Variants in CFAP65 observed in about 807,000 individuals in gnomAD.
CFAP65 encodes cilia and flagella associated protein 65.
A neutral mutation model predicts 208.0 loss-of-function variants in CFAP65; 155 were observed. That is an observed-to-expected ratio of 0.75 (90% CI 0.65 to 0.85). The LOEUF (loss-of-function observed/expected upper bound fraction) is 0.85, where lower values mean the gene tolerates loss of function less well. Among genes scored for constraint, CFAP65 ranks in the 40% least tolerant of loss-of-function variants. The pLI is 0.00. For missense variants in CFAP65, 2,294 were observed against 2,451.3 expected (o/e 0.94, Z 1.36); for synonymous variants, 970 against 986.3 (o/e 0.98, Z 0.31).
Position 219,023,363 on chromosome 2 carries a change from G to C in CFAP65, c.2664C>G (p.Phe888Leu), listed in dbSNP as rs1366012706. Reference protein sequence around the residue: ...LKLDTHKSLYFKPTWVGCSST... With the variant: ...LKLDTHKSLYLKPTWVGCSST... ...AGGAGCAGCCCACCCAGGTGGGCTT[G>C]AAGTAGAGGCTTTTGTGGGTGTCCA... Residue 888 changes from phenylalanine to leucine, a missense_variant, in exon 16 of 35, where the codon TTC becomes TTG. Physicochemically the swap from Phe to Leu is conservative, Grantham distance 22. This residue lies in a region of CFAP65 where 1,427 missense variants were observed against 1,438.7 expected (regional missense o/e 0.99). Transcript: ENST00000341552. The C allele has an allele frequency of 6.2e-7, 1 of 1,607,508 alleles. No homozygotes were observed.
Position 219,030,052 on chromosome 2 carries a change from A to C in CFAP65, c.1318T>G (p.Tyr440Asp). 3.1e-6 allele frequency: 5 copies of C among 1,614,100 alleles called. No individual in the cohort carries two copies. The highest frequency in any genetic ancestry group is 4.2e-6 in the Non-Finnish European group (5 of 1,179,994). Reference sequence around the variant, plus strand: ...CAGCCAGAAGGCATGATGGAGCAGTAGTCCACAGTTCTGGTGTCCAGAGTC... The same window carrying C: ...CAGCCAGAAGGCATGATGGAGCAGTCGTCCACAGTTCTGGTGTCCAGAGTC... ...PKTLDTRTVD[Y>D]CSIMPSGCAS... The change falls in exon 10 of 35, where the codon TAC (tyrosine) becomes GAC (aspartate). Residue 440 changes from tyrosine (Y) to aspartate (D), a missense_variant. Transcript: ENST00000341552.
chr2:219,009,396 A>G lies in CFAP65; in HGVS notation c.4517T>C (p.Leu1506Ser). ...PEETVPFVVT[L>S]RASVHASFYS... ...GAAGCTGGCATGCACAGAGGCCCTC[A>G]AGGTCACCACAAATGGGACCGTCTC... is the stretch of plus-strand genomic sequence containing the variant. Residue 1506 changes from leucine to serine, a missense_variant, in exon 28 of 35, where the codon TTG becomes TCG. By Grantham distance (145) the Leu-to-Ser change is moderately radical. This residue lies in a region of CFAP65 where 1,427 missense variants were observed against 1,438.7 expected (regional missense o/e 0.99). Transcript: ENST00000341552. 6.2e-7 allele frequency: 1 copy of G among 1,612,672 alleles called. No homozygotes were observed.
chr2:219,028,178 T>A lies in CFAP65; in HGVS notation c.1851+23A>T, dbSNP rs758111385. Reference sequence around the variant, plus strand: ...CCCAAGAATCACTAGAGAAGGGATATGCAGCTGGGGAGGGCACTGTACCTG... The same window carrying A: ...CCCAAGAATCACTAGAGAAGGGATAAGCAGCTGGGGAGGGCACTGTACCTG... On this transcript the variant is annotated intron_variant, in intron 12 of 34. Coordinates refer to ENST00000341552, the MANE Select transcript of CFAP65 (RefSeq NM_194302.4). The A allele has an allele frequency of 1.5e-5, 24 of 1,611,196 alleles. No individual in the cohort carries two copies. In the East Asian group the frequency reaches 4.5e-4, roughly 30 times the overall value.
rs1293824079 is a variant in CFAP65, at chr2:219,013,525, C to G, written c.3840G>C (p.Glu1280Asp). 1 of 1,598,330 alleles carries G rather than the reference C, an allele frequency of 6.3e-7. No individual in the cohort carries two copies. The highest frequency in any genetic ancestry group is 1.3e-5 in the African/African-American group (1 of 74,866). ...CAGTGTGCTGGGGCCTCACCAGGAT[C>G]TCCCGGCCATGGGACACCTTGAAGA... ...PVLFKVSHGR[E>D]ILLNFIGVTV... Residue 1280 changes from glutamate (E) to aspartate (D), a missense_variant, in exon 23 of 35, where the codon GAG becomes GAC. This residue lies in a region of CFAP65 where 1,427 missense variants were observed against 1,438.7 expected (regional missense o/e 0.99). Transcript: ENST00000341552.
In CFAP65 at chr2:219,005,506, G is replaced by T; in HGVS notation, c.4979C>A (p.Ser1660Tyr). 6.2e-7 allele frequency: 1 copy of T among 1,613,370 alleles called. No individual in the cohort carries two copies. Among genetic ancestry groups the T allele is most frequent in the Non-Finnish European group, 8.5e-7 (1 of 1,179,974 alleles). The change falls in exon 32 of 35, where the codon TCC becomes TAC. Residue 1660 changes from serine (S) to tyrosine (Y), a missense_variant. This residue lies in a region of CFAP65 where 1,427 missense variants were observed against 1,438.7 expected (regional missense o/e 0.99). Coordinates refer to ENST00000341552, the MANE Select transcript of CFAP65 (RefSeq NM_194302.4). ...GGAAACAGGGCCCCACTTGTTAGGG[G>T]ATTTTTCCTCAGAAGTCTCTGACTC... ...REESETSEEK[S>Y]PNKWGPVSKQ...
chr2:219,003,255 T>C lies in CFAP65; in HGVS notation c.5573A>G (p.Asn1858Ser), dbSNP rs11893183. Residue 1858 changes from asparagine to serine, a missense_variant, in exon 34 of 35, where the codon AAC becomes AGC. This residue lies in a region of CFAP65 where 1,427 missense variants were observed against 1,438.7 expected (regional missense o/e 0.99). Transcript: ENST00000341552. The surrounding 1 kb of genome is among the most constrained non-coding windows in gnomAD (Gnocchi z 4.4). ...EAIRRLPAFA[N>S]LQEALLENMI... ...GTTCTCCAGCAGCGCCTCCTGCAGGTTGGCGAAGGCCGGGAGCCTGCGAGG... is the reference window on the plus strand; with the variant it reads ...GTTCTCCAGCAGCGCCTCCTGCAGGCTGGCGAAGGCCGGGAGCCTGCGAGG... 9.7e-3 allele frequency: 14,986 copies of C among 1,543,546 alleles called. 1,278 individuals are homozygous for C. In the African/African-American group the frequency reaches 0.18, roughly 19 times the overall value.
Position 219,009,089 on chromosome 2 carries a change from C to T in CFAP65, c.4632G>A (p.Val1544=). The T allele has an allele frequency of 6.2e-7, 1 of 1,612,966 alleles. No individual in the cohort carries two copies. The highest frequency in any genetic ancestry group is 1.1e-5 in the South Asian group (1 of 91,090). ...TGATGGTGAACTCCACTTCCTGCCG[C>T]ACCTTCTCGTCCTTCCACTCCTGCA... The part of the protein sequence containing the change: ...KELQEWKDEK[V]RQEVEFTITD... Residue 1544 remains valine (V), a synonymous_variant, in exon 29 of 35, where the codon GTG becomes GTA. Coordinates refer to ENST00000341552, the MANE Select transcript of CFAP65 (RefSeq NM_194302.4).
At chr2:219,013,188 A>G (rs1946601141) in intron 24 of CFAP65, 71 bp downstream of exon 24, 7 of 1,068,086 alleles carry the variant, frequency 6.6e-6, no homozygotes, top group Non-Finnish European at 8.6e-6. Context: ...CACCCTCTCA[A>G]GGGCTGACAC....
intron 27 of CFAP65, 107 bp downstream of exon 27, chr2:219,009,835 G>C: frequency 1.3e-6 from 1 of 798,624 alleles, no homozygotes; most frequent in Non-Finnish European, 1.7e-6. Flanking sequence ...ATGGGATGGG[G>C]TTTGTGGGGT....
In CFAP65 at chr2:219,010,128, G is replaced by A. The variant is rs1946368459; in HGVS notation, c.4309-43C>T. 3 of 1,537,896 alleles carry A rather than the reference G, an allele frequency of 2.0e-6. No homozygotes were observed. The East Asian group carries it at 6.9e-5, about 36-fold the overall frequency. On this transcript the variant is annotated intron_variant, in intron 26 of 34. Transcript: ENST00000341552. ...AGGTAAAGAAATAAGAACCGGCCAGGCATGGTGGCTCACGCCTGTAATCCC... is the reference window on the plus strand; with the variant it reads ...AGGTAAAGAAATAAGAACCGGCCAGACATGGTGGCTCACGCCTGTAATCCC...
chr2:219,014,104 G>A, intron 21 of CFAP65, 60 bp from the exon 22 acceptor site: 1 of 1,435,380 alleles, frequency 7.0e-7, no homozygotes, highest in African/African-American at 1.4e-5. Flanking sequence ...AGAGGCAGGG[G>A]CTCTGAGACC....
At position 219,035,564 on chromosome 2, in the gene CFAP65, C is replaced by T; in HGVS notation, c.458G>A (p.Trp153Ter). The change falls in exon 5 of 35, where the codon TGG (tryptophan) becomes TAG (stop). Residue 153 changes from tryptophan (W) to a stop codon, truncating the protein, a stop_gained. Transcript: ENST00000341552. LOFTEE classifies it high-confidence loss of function. ...WGIEVAEELH[W>*]KGWELGKETT... ...CTCCTTTCCTAGCTCCCAGCCTTTC[C>T]AATGCAGCTCCTCAGCCACCTCAAT... The T allele has an allele frequency of 6.2e-7, 1 of 1,613,986 alleles. No individual in the cohort carries two copies. The highest frequency in any genetic ancestry group is 2.2e-5 in the East Asian group (1 of 44,876).
At position 219,027,732 on chromosome 2, in the gene CFAP65, G is replaced by T. The variant is rs770589133; in HGVS notation, c.2129C>A (p.Ser710Tyr). 1 of 1,614,134 alleles carries T rather than the reference G, an allele frequency of 6.2e-7. No individual in the cohort carries two copies. The highest frequency in any genetic ancestry group is 1.1e-5 in the South Asian group (1 of 91,076). Residue 710 changes from serine (S) to tyrosine (Y), a missense_variant, in exon 13 of 35, where the codon TCC becomes TAC. Physicochemically the swap from Ser to Tyr is moderately radical, Grantham distance 144 (BLOSUM62 -2). Around this residue, in one of 2 missense-constraint regions of CFAP65, gnomAD observed 867 missense variants for 1,012.6 expected, o/e 0.86. Coordinates refer to ENST00000341552, the MANE Select transcript of CFAP65 (RefSeq NM_194302.4). The part of the protein sequence containing the change: ...PESCDVPPLK[S>Y]MAMRLHFQPP... ...CTGGAAGTGCAGGCGCATGGCCATG[G>T]ACTTGAGTGGGGGCACGTCGCAGCT...
At chr2:219,030,240 G>A (rs1164525443) in intron 9 of CFAP65, 32 bp from the exon 10 acceptor site, 29 of 1,601,018 alleles carry the variant, frequency 1.8e-5, no homozygotes, top group Non-Finnish European at 2.5e-5. Context: ...CAAAGGGTCA[G>A]GTCACAGAGC....
intron 24 of CFAP65, among the ~76,000 whole-genome samples, chr2:219,011,235 A>T (rs150610989): frequency 6.8e-6 from 1 of 148,108 alleles, no homozygotes; most frequent in African/African-American, 2.5e-5. Context: ...ATTTGTCTTC[A>T]GTTTAACTTC....
chr2:219,018,741 G>C (rs1947071360), intron 21 of CFAP65: 1 of 357,932 alleles, frequency 2.8e-6, no homozygotes, highest in Non-Finnish European at 5.2e-6. Flanking sequence ...GTAAAGCGCA[G>C]GTCCTGGCAT....
intron 16 of CFAP65, 56 bp from the exon 17 acceptor site, chr2:219,022,385 C>G: frequency 6.4e-7 from 1 of 1,553,680 alleles, no homozygotes. Flanking sequence ...CCACAGGTAC[C>G]TGGCCATCCG....
At chr2:219,012,777 C>T (rs971022854) in intron 24 of CFAP65, among the ~76,000 whole-genome samples, 1 of 152,216 alleles carries the variant, frequency 6.6e-6, no homozygotes, top group African/African-American at 2.4e-5. Flanking sequence ...CTAAGACCTA[C>T]TGGTGAGCAG....
chr2:219,035,801 C>T (rs1458097996), intron 4 of CFAP65, 137 bp from the exon 5 acceptor site: 1 of 1,432,744 alleles, frequency 7.0e-7, no homozygotes, highest in African/African-American at 1.4e-5. Context: ...CGATGATTGA[C>T]ACCACCCCTC....
Sources: gnomAD v4.1 joint callset for allele counts (sites outside exome capture counted in the v4.1 genomes callset) on GRCh38, gnomAD v4.1.1 for gene constraint, gnomAD v4.1.1 regional missense constraint, Gnocchi (gnomAD v3.1) non-coding constraint, MANE v1.5 for transcripts, NCBI Gene and HGNC (gene_info 2026-07-23, HGNC 2026-07-21) for gene names.